KCNIP4: variants seen among roughly 807,000 people sequenced by gnomAD.
The protein encoded by KCNIP4 is potassium voltage-gated channel interacting protein 4.
Under a neutral mutation model 34.0 loss-of-function variants are expected in KCNIP4, and 12 were observed. That is an observed-to-expected ratio of 0.35 (90% CI 0.23 to 0.57). The LOEUF is 0.57. Ranked by LOEUF, KCNIP4 falls within the 20% of genes least tolerant of loss-of-function variation. The pLI, the probability that KCNIP4 is intolerant of heterozygous loss-of-function variation, is 0.83. For missense variants in KCNIP4, 238 were observed against 311.7 expected, an observed-to-expected ratio of 0.76 and a Z score of 1.78; for synonymous variants, 124 against 102.2, an observed-to-expected ratio of 1.21 and a Z score of -1.29.
chr4:21,335,777 G>A (rs1170218516), intron 1 of KCNIP4, among the ~76,000 whole-genome samples: 2 of 152,074 alleles, frequency 1.3e-5, no homozygotes, highest in Non-Finnish European at 2.9e-5. Flanking sequence ...CCAAACTAGT[G>A]GTATAGCCAG....
chr4:20,926,687 G>T (rs1729926781), intron 1 of KCNIP4, among the ~76,000 whole-genome samples: 1 of 152,108 alleles, frequency 6.6e-6, no homozygotes, highest in Admixed American at 6.5e-5. Context: ...ATTCTTTAAG[G>T]CACACTTGTG....
chr4:21,047,344 T>A lies in KCNIP4; in HGVS notation c.62-164635A>T, dbSNP rs191876602. 6.9e-4 allele frequency among the ~76,000 whole-genome samples: 105 copies of A among 152,292 alleles called. 1 individual carries two copies. Among genetic ancestry groups the A allele is most frequent in the Non-Finnish European group, 1.2e-3 (83 of 68,028 alleles). On this transcript the variant is annotated intron_variant, in intron 1 of 8. Coordinates refer to ENST00000382152, the MANE Select transcript of KCNIP4 (RefSeq NM_025221.6). ...ACCATATAATGATTGGTATAGATAATCTTATGGATGTCATGTCTTCAATAT... is the reference window on the plus strand; with the variant it reads ...ACCATATAATGATTGGTATAGATAAACTTATGGATGTCATGTCTTCAATAT...
chr4:20,965,261 C>T (rs1270658511), intron 1 of KCNIP4, among the ~76,000 whole-genome samples: 4 of 152,190 alleles, frequency 2.6e-5, no homozygotes, highest in Admixed American at 2.6e-4. Flanking sequence ...CCCTTGCTAT[C>T]TCAGAGCCTA....
intron 3 of KCNIP4, among the ~76,000 whole-genome samples, chr4:20,788,871 T>C (rs992006976): frequency 1.3e-5 from 2 of 152,006 alleles, no homozygotes; most frequent in Non-Finnish European, 2.9e-5. Context: ...AGTATCACAG[T>C]GAGGAGGAAG....
rs528192487 is a variant in KCNIP4, at chr4:21,355,721, G to T, written c.62-473012C>A. Among the ~76,000 whole-genome samples, 4 of 152,238 alleles carry T rather than the reference G, an allele frequency of 2.6e-5. No homozygotes were observed. In the South Asian group the frequency reaches 8.3e-4, roughly 32 times the overall value. On this transcript the variant is annotated intron_variant, in intron 1 of 8. Coordinates refer to ENST00000382152, the MANE Select transcript of KCNIP4 (RefSeq NM_025221.6). ...GGATTCACAGCCGAAATCTACCAGG[G>T]TACAAAGAGGAGCTGGTACCATTCT...
intron 3 of KCNIP4, among the ~76,000 whole-genome samples, chr4:20,802,100 C>CAT (rs1437579656): frequency 2.7e-3 from 325 of 118,402 alleles, no homozygotes; most frequent in African/African-American, 0.012. Context: ...ATACATATTG[C>CAT]ATATATATAT....
intron 1 of KCNIP4, among the ~76,000 whole-genome samples, chr4:21,063,081 A>T (rs1231685664): frequency 6.6e-6 from 1 of 152,132 alleles, no homozygotes; most frequent in Non-Finnish European, 1.5e-5. Context: ...GCATATAGGG[A>T]AGATGGGACA....
intron 1 of KCNIP4, among the ~76,000 whole-genome samples, chr4:21,288,932 C>A (rs1321657793): frequency 6.6e-6 from 1 of 152,118 alleles, no homozygotes; most frequent in African/African-American, 2.4e-5. Context: ...GTATAGTATT[C>A]CATATTCACA....
intron 1 of KCNIP4, among the ~76,000 whole-genome samples, chr4:21,495,965 GC>G (rs1454596809): frequency 2.6e-5 from 4 of 152,146 alleles, no homozygotes; most frequent in African/African-American, 9.7e-5. Context: ...TGTGGGTGGG[GC>G]CCTGCAATCT....
In KCNIP4 at chr4:21,684,763, C is replaced by T. The variant is rs534484166; in HGVS notation, c.61+263808G>A. On this transcript the variant is annotated intron_variant, in intron 1 of 8. Coordinates refer to ENST00000382152, the MANE Select transcript of KCNIP4 (RefSeq NM_025221.6). ...ATACATGTGCCATGTTGGTGTGCTG[C>T]ACCCATTAACTCGTCATTTACATTA... Among the ~76,000 whole-genome samples the T allele has an allele frequency of 1.7e-4, 26 of 152,196 alleles. No individual in the cohort carries two copies. In the South Asian group the frequency reaches 4.3e-3, roughly 25 times the overall value.
chr4:21,693,711 C>T (rs1711947968), intron 1 of KCNIP4, among the ~76,000 whole-genome samples: 1 of 152,208 alleles, frequency 6.6e-6, no homozygotes, highest in South Asian at 2.1e-4. Context: ...ATCTCTCCCT[C>T]TCATCCGTTA....
chr4:21,819,537 T>C (rs1415843689), intron 1 of KCNIP4, among the ~76,000 whole-genome samples: 2 of 152,208 alleles, frequency 1.3e-5, no homozygotes, highest in South Asian at 2.1e-4. Context: ...TATACTCTTT[T>C]ATTTCCCACT....
At chr4:21,943,543 A>G (rs963384899) in intron 1 of KCNIP4, among the ~76,000 whole-genome samples, 2 of 152,198 alleles carry the variant, frequency 1.3e-5, no homozygotes, top group Non-Finnish European at 2.9e-5. Context: ...CTGATTCAAA[A>G]GAAAAGAAAG....
intron 1 of KCNIP4, among the ~76,000 whole-genome samples, chr4:21,142,874 TGAA>T (rs1420480891): frequency 1.3e-5 from 2 of 152,214 alleles, no homozygotes; most frequent in African/African-American, 4.8e-5. Flanking sequence ...ACAAAATCTG[TGAA>T]GGAGACCAAC....
At chr4:21,809,159 AAAG>A (rs1721476180) in intron 1 of KCNIP4, among the ~76,000 whole-genome samples, 1 of 152,182 alleles carries the variant, frequency 6.6e-6, no homozygotes, top group African/African-American at 2.4e-5. Flanking sequence ...TAGACTATGT[AAAG>A]AAGATCAGAT....
chr4:20,755,153 A>T (rs1754280783), intron 4 of KCNIP4, among the ~76,000 whole-genome samples: 1 of 152,154 alleles, frequency 6.6e-6, no homozygotes, highest in Non-Finnish European at 1.5e-5. Flanking sequence ...ATGGGGTGGG[A>T]GAGTTGTCAT....
chr4:21,207,815 T>C (rs1027414619), intron 1 of KCNIP4, among the ~76,000 whole-genome samples: 1 of 151,668 alleles, frequency 6.6e-6, no homozygotes, highest in African/African-American at 2.4e-5. Flanking sequence ...TTTTTCATTT[T>C]CTTTTTTTTT....
chr4:21,411,547 G>C (rs1724507343), intron 1 of KCNIP4, among the ~76,000 whole-genome samples: 1 of 152,134 alleles, frequency 6.6e-6, no homozygotes, highest in South Asian at 2.1e-4. Flanking sequence ...AGGCAAATTG[G>C]CTCACACCTG....
chr4:21,476,035 A>G (rs1730930619), intron 1 of KCNIP4, among the ~76,000 whole-genome samples: 1 of 152,286 alleles, frequency 6.6e-6, no homozygotes, highest in Admixed American at 6.5e-5. Flanking sequence ...ATGAAGACCC[A>G]GGGTTCTGCC....
Sources: gnomAD v4.1 joint callset for allele counts (sites outside exome capture counted in the v4.1 genomes callset) on GRCh38, gnomAD v4.1.1 for gene constraint, MANE v1.5 for transcripts, NCBI Gene and HGNC (gene_info 2026-07-23, HGNC 2026-07-21) for gene names.